LPCAT3: variants seen among roughly 807,000 people sequenced by gnomAD.
The protein encoded by LPCAT3 is lysophosphatidylcholine acyltransferase 3, also known as lysophospholipid acyltransferase 5.
Under a neutral mutation model 63.4 loss-of-function variants are expected in LPCAT3, and 21 were observed. The observed-to-expected ratio is 0.33, with a 90% CI of 0.23 to 0.48. The LOEUF (loss-of-function observed/expected upper bound fraction) is 0.48. LPCAT3 is among the 20% of genes least tolerant of loss of function. The probability of loss-of-function intolerance (pLI) is 0.99; values close to 1 mark genes in which losing one functional copy is unlikely to be tolerated. For missense variants in LPCAT3, 451 were observed against 590.6 expected (o/e 0.76, Z 2.45); for synonymous variants, 242 against 227.5 (o/e 1.06, Z -0.58).
chr12:6,977,177 G>A lies in LPCAT3; in HGVS notation c.1433C>T (p.Pro478Leu). Residue 478 changes from proline to leucine, a missense_variant, in exon 12 of 13, where the codon CCA (proline) becomes CTA (leucine). By Grantham distance (98) the Pro-to-Leu change is moderately conservative (BLOSUM62 -3). This residue lies in a region of LPCAT3 where 304 missense variants were observed against 390.8 expected (regional missense o/e 0.78). Coordinates refer to ENST00000261407, the MANE Select transcript of LPCAT3 (RefSeq NM_005768.6). The surrounding 1 kb of genome is among the most constrained non-coding windows in gnomAD (Gnocchi z 4.5). Reference protein sequence around the residue: ...ILPYIHKAMVPRKEKLKKME With the variant: ...ILPYIHKAMVLRKEKLKKME ...CATCTTCTTTAACTTCTCTTTCCTT[G>A]GCACCATTGCTTTGTGAATATAAGG... 2.5e-6 allele frequency: 4 copies of A among 1,612,676 alleles called. No individual in the cohort carries two copies. The highest frequency in any genetic ancestry group is 3.4e-6 in the Non-Finnish European group (4 of 1,178,742).
intron 6 of LPCAT3, chr12:6,980,760 C>T: frequency 2.9e-6 from 1 of 348,042 alleles, no homozygotes; most frequent in Non-Finnish European, 5.1e-6. Flanking sequence ...GTGACTGGTT[C>T]AGGCAAAATC....
rs781891224 is a variant in LPCAT3 at position 6,994,020 on chromosome 12, A to G, written c.152-10481T>C. Among the ~76,000 whole-genome samples the G allele has an allele frequency of 3.3e-5, 5 of 152,370 alleles. No homozygotes were observed. In the East Asian group the frequency reaches 7.7e-4, roughly 23 times the overall value. On this transcript the variant is annotated intron_variant, in intron 1 of 12. Coordinates refer to ENST00000261407, the MANE Select transcript of LPCAT3 (RefSeq NM_005768.6). ...TGCTACAAACATTCATGCATTTTGT[A>G]GAGACAGGGTCTCACTATGTTGCCT...
chr12:7,007,152 T>TCCTG (rs1257641603), intron 1 of LPCAT3, among the ~76,000 whole-genome samples: 1 of 152,056 alleles, frequency 6.6e-6, no homozygotes, highest in Non-Finnish European at 1.5e-5. Context: ...CAAGTGATTC[T>TCCTG]CCTGCCTCAG....
chr12:7,004,863 TCA>T (rs1443546415), intron 1 of LPCAT3, among the ~76,000 whole-genome samples: 2 of 152,242 alleles, frequency 1.3e-5, no homozygotes, highest in African/African-American at 4.8e-5. Flanking sequence ...TCAAGGCCCT[TCA>T]CAGTCTTTCC....
intron 1 of LPCAT3, among the ~76,000 whole-genome samples, chr12:6,998,748 A>G (rs1946659538): frequency 6.6e-6 from 1 of 152,220 alleles, no homozygotes. Context: ...GCAGGAGCCA[A>G]CATACCTTCC....
chr12:6,977,491 C>G lies in LPCAT3; in HGVS notation c.1223G>C (p.Ser408Thr). The stretch of plus-strand genomic sequence containing the variant: ...GAGGACAGTAATGGCGGCCAGCTTG[C>G]TCAGGGTGGGGCTCTCTTGAATGAG... ...ARLIQESPTL[S>T]KLAAITVLQP... The change falls in exon 11 of 13, where the codon AGC becomes ACC. Residue 408 changes from serine (S) to threonine (T), a missense_variant. Coordinates refer to ENST00000261407, the MANE Select transcript of LPCAT3 (RefSeq NM_005768.6). This position sits in a 1 kb window ranked among gnomAD's most constrained non-coding sequence, Gnocchi z 4.5. 6.2e-7 allele frequency: 1 copy of G among 1,614,202 alleles called. No homozygotes were observed. Among genetic ancestry groups the G allele is most frequent in the Non-Finnish European group, 8.5e-7 (1 of 1,180,040 alleles).
intron 5 of LPCAT3, 72 bp downstream of exon 5, chr12:6,981,523 G>A: frequency 6.7e-7 from 1 of 1,502,788 alleles, no homozygotes; most frequent in Non-Finnish European, 9.3e-7. Context: ...TTTGGGTTCA[G>A]TCTTTTGTTA....
At chr12:7,007,423 C>T (rs918385528) in intron 1 of LPCAT3, among the ~76,000 whole-genome samples, 5 of 151,054 alleles carry the variant, frequency 3.3e-5, no homozygotes, top group Non-Finnish European at 7.4e-5. Context: ...TGACCGTGTA[C>T]AGTTTTCTTA....
chr12:6,981,829 G>C lies in LPCAT3; in HGVS notation c.442C>G (p.Leu148Val). Residue 148 changes from leucine (L) to valine (V), a missense_variant, in exon 4 of 13, where the codon CTG becomes GTG. This residue lies in a region of LPCAT3 where 14 missense variants were observed against 47.8 expected (regional missense o/e 0.29). Coordinates refer to ENST00000261407, the MANE Select transcript of LPCAT3 (RefSeq NM_005768.6). ...DIKWTMPHCV[L>V]TLKLIGLAVD... The stretch of plus-strand genomic sequence containing the variant: ...CACTCACCAATCAGCTTCAAAGTCA[G>C]AACACAATGTGGCATTGTCCACTTG... 6.2e-7 allele frequency: 1 copy of C among 1,613,656 alleles called. No individual in the cohort carries two copies. The highest frequency in any genetic ancestry group is 8.5e-7 in the Non-Finnish European group (1 of 1,179,570).
chr12:7,006,021 A>C (rs1463949912), intron 1 of LPCAT3, among the ~76,000 whole-genome samples: 1 of 152,192 alleles, frequency 6.6e-6, no homozygotes. Flanking sequence ...TGAAAATATA[A>C]AAATAATATA....
intron 1 of LPCAT3, among the ~76,000 whole-genome samples, chr12:7,000,587 CAA>C (rs1238673937): frequency 8.8e-5 from 4 of 45,430 alleles, no homozygotes; most frequent in Non-Finnish European, 8.9e-5. Context: ...GACTCAGTCT[CAA>C]AAAAAAAAAA....
intron 1 of LPCAT3, among the ~76,000 whole-genome samples, chr12:7,012,234 G>T (rs1946768208): frequency 6.6e-6 from 1 of 152,176 alleles, no homozygotes; most frequent in Non-Finnish European, 1.5e-5. Context: ...CTGAGAGGTG[G>T]CTCATATACT....
At chr12:6,986,763 C>T (rs1237991708) in intron 1 of LPCAT3, among the ~76,000 whole-genome samples, 1 of 142,210 alleles carries the variant, frequency 7.0e-6, no homozygotes, top group African/African-American at 2.6e-5. Flanking sequence ...AGCCACTGCA[C>T]TCCAGCCTGG....
At chr12:6,997,379 ATGTGTGTGTGTGTGTGTGTGTGTGTG>A (rs201579525) in intron 1 of LPCAT3, 2 of 114,046 alleles carry the variant, frequency 1.8e-5, no homozygotes, top group African/African-American at 3.3e-5. Flanking sequence ...ACAGCAAATT[ATGTGTGTGTGTGTGTGTGTGTGTGTG>A]TGTGTGTGTG....
chr12:7,014,011 C>A (rs1272539085), intron 1 of LPCAT3, among the ~76,000 whole-genome samples: 1 of 152,228 alleles, frequency 6.6e-6, no homozygotes, highest in African/African-American at 2.4e-5. Flanking sequence ...CTGACTGTTC[C>A]TTGGCTGTGT....
At chr12:7,013,354 C>T (rs1946778107) in intron 1 of LPCAT3, among the ~76,000 whole-genome samples, 1 of 152,190 alleles carries the variant, frequency 6.6e-6, no homozygotes, top group African/African-American at 2.4e-5. Flanking sequence ...ATGGAAGCCC[C>T]TGAAGGGTTC....
intron 1 of LPCAT3, among the ~76,000 whole-genome samples, chr12:6,992,930 A>G (rs1423277599): frequency 6.6e-6 from 1 of 152,202 alleles, no homozygotes; most frequent in East Asian, 1.9e-4. Context: ...AATACCTAAT[A>G]TAATGTAAAT....
chr12:6,992,448 C>T (rs57438850), intron 1 of LPCAT3, among the ~76,000 whole-genome samples: 26,295 of 152,130 alleles, frequency 0.17, 3,903 homozygotes, highest in African/African-American at 0.4. Context: ...TTGGTGTCAC[C>T]GTCCTGATTT....
In LPCAT3 at chr12:6,983,412, T is replaced by C; in HGVS notation, c.259+20A>G. On this transcript the variant is annotated intron_variant, in intron 2 of 12. Coordinates refer to ENST00000261407, the MANE Select transcript of LPCAT3 (RefSeq NM_005768.6). ...AGGTTCCCACTAATTGCGGTGTCACTGCTAATTTAGTTTACTCACCAAAGT... is the reference window on the plus strand; with the variant it reads ...AGGTTCCCACTAATTGCGGTGTCACCGCTAATTTAGTTTACTCACCAAAGT... 6.6e-7 allele frequency: 1 copy of C among 1,513,416 alleles called. No individual in the cohort carries two copies. The highest frequency in any genetic ancestry group is 9.2e-7 in the Non-Finnish European group (1 of 1,091,352). 93.7% of individuals were successfully genotyped at this position (1,513,416 alleles called of 1,614,324 possible).
Sources: gnomAD v4.1 joint callset for allele counts (sites outside exome capture counted in the v4.1 genomes callset) on GRCh38, gnomAD v4.1.1 for gene constraint, gnomAD v4.1.1 regional missense constraint, Gnocchi (gnomAD v3.1) non-coding constraint, MANE v1.5 for transcripts, NCBI Gene and HGNC (gene_info 2026-07-23, HGNC 2026-07-21) for gene names.